PKHD1: variants seen among roughly 807,000 people sequenced by gnomAD.
The protein encoded by PKHD1 is PKHD1 ciliary IPT domain containing fibrocystin/polyductin, also known as fibrocystin.
Under a neutral mutation model 412.0 loss-of-function variants are expected in PKHD1, and 291 were observed. That is an observed-to-expected ratio of 0.71 (90% CI 0.64 to 0.78). The LOEUF (loss-of-function observed/expected upper bound fraction) is 0.78. Ranked by LOEUF, PKHD1 falls within the 30% of genes least tolerant of loss-of-function variation. The pLI is 0.00. For synonymous variants in PKHD1, 1,777 were observed against 1,821.5 expected, an observed-to-expected ratio of 0.98 and a Z score of 0.62; for missense variants, 4,825 against 4,950.7, an observed-to-expected ratio of 0.97 and a Z score of 0.76.
At chr6:51,925,432 GTTC>G (rs1785378076) in intron 37 of PKHD1, among the ~76,000 whole-genome samples, 3 of 135,136 alleles carry the variant, frequency 2.2e-5, no homozygotes, top group African/African-American at 8.4e-5. Context: ...AATGTAAATT[GTTC>G]TTCGTGTGTG....
At chr6:51,910,280 T>C (rs1782751049) in intron 39 of PKHD1, among the ~76,000 whole-genome samples, 1 of 152,118 alleles carries the variant, frequency 6.6e-6, no homozygotes, top group Non-Finnish European at 1.5e-5. Flanking sequence ...CAATGGATAA[T>C]AAAGATTTTT....
chr6:51,911,730 C>G, intron 39 of PKHD1, 69 bp downstream of exon 39: 1 of 1,330,756 alleles, frequency 7.5e-7, no homozygotes, highest in African/African-American at 1.4e-5. Flanking sequence ...CACAGCAATG[C>G]CATCTATCAT....
In PKHD1 at chr6:52,025,620, G is replaced by C. The variant is rs778541098; in HGVS notation, c.4190C>G (p.Ser1397Trp). Reference sequence around the variant, plus strand: ...GGTCCCACCACATGCCGAACCCTGCGATGGGAAGATGGCCATTATCCGAGG... The same window carrying C: ...GGTCCCACCACATGCCGAACCCTGCCATGGGAAGATGGCCATTATCCGAGG... ...VMPRIMAIFP[S>W]QGSACGGTIL... Residue 1397 changes from serine (S) to tryptophan (W), a missense_variant, in exon 32 of 67, where the codon TCG becomes TGG. Coordinates refer to ENST00000371117, the MANE Select transcript of PKHD1 (RefSeq NM_138694.4). 6.2e-7 allele frequency: 1 copy of C among 1,614,114 alleles called. No homozygotes were observed. Among genetic ancestry groups the C allele is most frequent in the Non-Finnish European group, 8.5e-7 (1 of 1,180,024 alleles).
intron 60 of PKHD1, among the ~76,000 whole-genome samples, chr6:51,665,032 A>C (rs1773503698): frequency 6.6e-6 from 1 of 152,228 alleles, no homozygotes; most frequent in South Asian, 2.1e-4. Flanking sequence ...TTTTGATTCA[A>C]GATAAGAATA....
intron 60 of PKHD1, among the ~76,000 whole-genome samples, chr6:51,700,176 T>G (rs1055147581): frequency 6.6e-6 from 1 of 152,050 alleles, no homozygotes; most frequent in African/African-American, 2.4e-5. Context: ...AATTAGAAAC[T>G]AATTAAAATA....
chr6:51,772,817 T>C (rs777677661), intron 54 of PKHD1, 28 bp from the exon 55 acceptor site: 4 of 1,272,674 alleles, frequency 3.1e-6, no homozygotes, highest in Non-Finnish European at 3.5e-6. Flanking sequence ...AACAGTTGGA[T>C]AGAAAAATCC....
In PKHD1 at chr6:51,632,089, A is replaced by G. The variant is rs188959982; in HGVS notation, c.11665+476T>C. On this transcript the variant is annotated intron_variant, in intron 65 of 66. Coordinates refer to ENST00000371117, the MANE Select transcript of PKHD1 (RefSeq NM_138694.4). ...CTCCCGAGTAGCTGGGATTACAGGC[A>G]TCTGCCACCATGCCCAGATAATTTT... 7.0e-4 allele frequency among the ~76,000 whole-genome samples: 106 copies of G among 152,030 alleles called. No homozygotes were observed. In the East Asian group the frequency reaches 0.019, roughly 28 times the overall value.
At chr6:52,086,501 T>A (rs1315212199) in intron 1 of PKHD1, among the ~76,000 whole-genome samples, 1 of 151,646 alleles carries the variant, frequency 6.6e-6, no homozygotes. Flanking sequence ...ACTCCCCCCC[T>A]CAAAAAAAAA....
At chr6:51,868,728 T>A (rs182469679) in intron 47 of PKHD1, among the ~76,000 whole-genome samples, 165 of 152,290 alleles carry the variant, frequency 1.1e-3, no homozygotes, top group African/African-American at 3.9e-3. Flanking sequence ...CTATAAGGTT[T>A]ATTTAAACAT....
chr6:52,067,556 A>G (rs896071681), intron 11 of PKHD1, among the ~76,000 whole-genome samples: 1 of 152,188 alleles, frequency 6.6e-6, no homozygotes, highest in Non-Finnish European at 1.5e-5. Flanking sequence ...GAAATTAGAG[A>G]GTATATGAAA....
At chr6:51,839,216 A>G (rs76703322) in intron 50 of PKHD1, among the ~76,000 whole-genome samples, 8,262 of 152,284 alleles carry the variant, frequency 0.054, 234 homozygotes, top group South Asian at 0.075. Flanking sequence ...TTTGAGAATG[A>G]AGGTATTGAC....
intron 48 of PKHD1, among the ~76,000 whole-genome samples, chr6:51,865,228 C>G (rs535681239): frequency 6.6e-6 from 1 of 152,318 alleles, no homozygotes; most frequent in South Asian, 2.1e-4. Flanking sequence ...AAGCAGCACT[C>G]ACGCAGATCA....
At chr6:51,644,843 C>G (rs1041176057) in intron 63 of PKHD1, among the ~76,000 whole-genome samples, 1 of 152,092 alleles carries the variant, frequency 6.6e-6, no homozygotes, top group Non-Finnish European at 1.5e-5. Context: ...TCATGTCTAC[C>G]TAATTTTCGT....
chr6:51,677,954 T>C (rs1033579651), intron 60 of PKHD1, among the ~76,000 whole-genome samples: 3 of 152,172 alleles, frequency 2.0e-5, no homozygotes, highest in African/African-American at 7.2e-5. Context: ...TAGGGTAAAA[T>C]GTCATCATCT....
At chr6:51,904,114 A>T in intron 41 of PKHD1, 72 bp from the exon 42 acceptor site, 1 of 977,564 alleles carries the variant, frequency 1.0e-6, no homozygotes, top group East Asian at 2.4e-5. Flanking sequence ...CTGCAACACT[A>T]CTTCTTTGGG....
intron 60 of PKHD1, among the ~76,000 whole-genome samples, chr6:51,698,293 G>A (rs1344865811): frequency 6.6e-6 from 1 of 152,164 alleles, no homozygotes; most frequent in African/African-American, 2.4e-5. Flanking sequence ...ATCAGATGAA[G>A]TATATCATAG....
chr6:51,775,028 CTATTG>C (rs1790768752), intron 54 of PKHD1, among the ~76,000 whole-genome samples: 1 of 149,868 alleles, frequency 6.7e-6, no homozygotes, highest in South Asian at 2.1e-4. Context: ...ATTCTTTTAG[CTATTG>C]TATTGTCACA....
chr6:51,822,065 G>A (rs1187044249), intron 52 of PKHD1, among the ~76,000 whole-genome samples: 1 of 152,138 alleles, frequency 6.6e-6, no homozygotes, highest in Non-Finnish European at 1.5e-5. Flanking sequence ...AACCAGTTTG[G>A]TGGGACTGAG....
rs150121488 is a variant in PKHD1, at chr6:51,826,031, A to G, written c.8302+4830T>C. Among the ~76,000 whole-genome samples, 35 of 152,312 alleles carry G rather than the reference A, an allele frequency of 2.3e-4. No individual in the cohort carries two copies. The East Asian group carries it at 6.8e-3, about 29-fold the overall frequency. The stretch of plus-strand genomic sequence containing the variant: ...CAGTATGAAATACTGAATTACATAT[A>G]ATCTCAGATAAGAAAAAGGTGAATG... On this transcript the variant is annotated intron_variant, in intron 52 of 66. Transcript: ENST00000371117.
Sources: gnomAD v4.1 joint callset for allele counts (sites outside exome capture counted in the v4.1 genomes callset) on GRCh38, gnomAD v4.1.1 for gene constraint, MANE v1.5 for transcripts, NCBI Gene and HGNC (gene_info 2026-07-23, HGNC 2026-07-21) for gene names.